SLAMF6: variants seen among roughly 807,000 people sequenced by gnomAD.
SLAMF6 encodes NK-T-B-antigen.
In SLAMF6, 21 loss-of-function variants were observed where a neutral mutation model predicts 38.3. The observed-to-expected ratio is 0.55, with a 90% CI of 0.39 to 0.79. The LOEUF is 0.79. Ranked by LOEUF, SLAMF6 falls within the 30% of genes least tolerant of loss-of-function variation. The pLI, the probability that SLAMF6 is intolerant of heterozygous loss-of-function variation, is 0.00. For missense variants in SLAMF6, 341 were observed against 385.3 expected (o/e 0.89, Z 0.96); for synonymous variants, 152 against 146.3 (o/e 1.04, Z -0.28).
At chr1:160,522,621 T>A (rs1176686254) in intron 1 of SLAMF6, among the ~76,000 whole-genome samples, 1 of 54,172 alleles carries the variant, frequency 1.8e-5, no homozygotes, top group Non-Finnish European at 6.0e-5. Context: ...AGGGGAGAGA[T>A]GGAAACCTTT....
chr1:160,496,185 C>T lies in SLAMF6; in HGVS notation c.258G>A (p.Leu86=). 2 of 1,613,890 alleles carry T rather than the reference C, an allele frequency of 1.2e-6. No individual in the cohort carries two copies. The highest frequency in any genetic ancestry group is 1.1e-5 in the South Asian group (1 of 91,072). The change falls in exon 2 of 8, where the codon CTG becomes CTA. Residue 86 remains leucine, a synonymous_variant. Coordinates refer to ENST00000368057, the MANE Select transcript of SLAMF6 (RefSeq NM_001184714.2). ...HVTNPKQGKR[L]NFTQSYSLQL... is the part of the protein sequence containing the mutation. The stretch of plus-strand genomic sequence containing the variant: ...GCAGGGAGTAGGACTGGGTGAAGTT[C>T]AGTCGCTTTCCCTGTTTCGGATTAG...
At chr1:160,520,147 G>C (rs972273523) in intron 1 of SLAMF6, among the ~76,000 whole-genome samples, 6 of 152,110 alleles carry the variant, frequency 3.9e-5, no homozygotes, top group African/African-American at 1.4e-4. Context: ...GATGTGGACG[G>C]TTGGTAAAAA....
intron 1 of SLAMF6, among the ~76,000 whole-genome samples, chr1:160,512,020 G>A (rs573658063): frequency 4.9e-4 from 75 of 152,290 alleles, no homozygotes; most frequent in Non-Finnish European, 5.4e-4. Flanking sequence ...AGATCCCCTC[G>A]TGAGCCAACA....
At chr1:160,514,544 G>A (rs1244372004) in intron 1 of SLAMF6, among the ~76,000 whole-genome samples, 1 of 152,132 alleles carries the variant, frequency 6.6e-6, no homozygotes, top group Non-Finnish European at 1.5e-5. Flanking sequence ...TACAACAACA[G>A]AATATTCATT....
chr1:160,523,216 C>A lies in SLAMF6; in HGVS notation c.-24G>T. 6.2e-7 allele frequency: 1 copy of A among 1,610,932 alleles called. No homozygotes were observed. Among genetic ancestry groups the A allele is most frequent in the Non-Finnish European group, 8.5e-7 (1 of 1,178,648 alleles). ...ATGCTTTCCGCGGTGAAGACTGGTG[C>A]TTGAGACCTTGAGGCAGTCAATGTT... On this transcript the variant is annotated 5_prime_UTR_variant, in exon 1 of 8. Transcript: ENST00000368057.
intron 1 of SLAMF6, among the ~76,000 whole-genome samples, chr1:160,514,299 A>G (rs1053797251): frequency 5.3e-5 from 8 of 152,256 alleles, no homozygotes; most frequent in Non-Finnish European, 1.2e-4. Context: ...CAATTCAACA[A>G]GAAGAACTAA....
At chr1:160,491,503 T>C in intron 2 of SLAMF6, 115 bp from the exon 3 acceptor site, 3 of 1,410,498 alleles carry the variant, frequency 2.1e-6, no homozygotes, top group Non-Finnish European at 2.8e-6. Context: ...TGTGTTATGG[T>C]CTGTAGACTC....
At chr1:160,489,273 G>T in intron 5 of SLAMF6, 103 bp from the exon 6 acceptor site, 1 of 1,095,336 alleles carries the variant, frequency 9.1e-7, no homozygotes, top group Non-Finnish European at 1.4e-6. Context: ...ATAGGCAGGT[G>T]TTTGAAGCAT....
intron 1 of SLAMF6, among the ~76,000 whole-genome samples, chr1:160,497,045 G>T (rs1158933299): frequency 1.3e-5 from 2 of 152,116 alleles, no homozygotes; most frequent in East Asian, 3.8e-4. Flanking sequence ...GCAGAGTCAG[G>T]ATTCAAACCC....
At chr1:160,495,811 C>T (rs570783521) in intron 2 of SLAMF6, among the ~76,000 whole-genome samples, 1 of 152,302 alleles carries the variant, frequency 6.6e-6, no homozygotes, top group African/African-American at 2.4e-5. Flanking sequence ...ATTACTTCTG[C>T]TACATTTCTG....
intron 5 of SLAMF6, among the ~76,000 whole-genome samples, chr1:160,489,777 C>T (rs1182405961): frequency 6.6e-6 from 1 of 152,136 alleles, no homozygotes; most frequent in Non-Finnish European, 1.5e-5. Context: ...GTTTGTGTTT[C>T]TATATCATGT....
chr1:160,506,999 C>T lies in SLAMF6; in HGVS notation c.50-10606G>A, dbSNP rs116982262. ...CTGAGGGGAAAAGGTTTAAGACATA[C>T]AGAAAAGAAATGGCAAAATGCAAGA... On this transcript the variant is annotated intron_variant, in intron 1 of 7. Coordinates refer to ENST00000368057, the MANE Select transcript of SLAMF6 (RefSeq NM_001184714.2). 4.8e-3 allele frequency among the ~76,000 whole-genome samples: 730 copies of T among 152,008 alleles called. 10 individuals carry two copies. Among genetic ancestry groups the T allele is most frequent in the East Asian group, 0.039 (200 of 5,178 alleles).
At position 160,523,125 on chromosome 1, in the gene SLAMF6, G is replaced by A. The variant is rs371420688; in HGVS notation, c.49+19C>T. ...CAGGGAGTCACTCAGTGACTACACC[G>A]ATCTGGATTGACATTTACCTGGGCC... On this transcript the variant is annotated intron_variant, in intron 1 of 7. Transcript: ENST00000368057. 3.5e-5 allele frequency: 57 copies of A among 1,613,276 alleles called. No individual in the cohort carries two copies. In the African/African-American group the frequency reaches 4.1e-4, roughly 12 times the overall value.
At position 160,491,120 on chromosome 1, in the gene SLAMF6, G is replaced by A. The variant is rs780286904; in HGVS notation, c.646+5C>T. 1.9e-6 allele frequency: 3 copies of A among 1,613,228 alleles called. No homozygotes were observed. In the East Asian group the frequency reaches 6.7e-5, roughly 36 times the overall value. On this transcript the variant is annotated splice_donor_5th_base_variant and intron_variant, in intron 3 of 7. Coordinates refer to ENST00000368057, the MANE Select transcript of SLAMF6 (RefSeq NM_001184714.2). ...AAGGCTCTCAGACCTGAGGCAGGCT[G>A]TTACCTTCGCAAAGCTTCTGGGCAG...
intron 1 of SLAMF6, among the ~76,000 whole-genome samples, chr1:160,504,544 G>C (rs1250872590): frequency 7.9e-5 from 12 of 152,160 alleles, no homozygotes; most frequent in Non-Finnish European, 1.8e-4. Flanking sequence ...GAGCAGAACT[G>C]GTTCTGAAAG....
chr1:160,507,094 A>G (rs367932409), intron 1 of SLAMF6, among the ~76,000 whole-genome samples: 1 of 152,294 alleles, frequency 6.6e-6, no homozygotes, highest in African/African-American at 2.4e-5. Flanking sequence ...AAATGCAGAG[A>G]TAGGCAGAAT....
At chr1:160,507,839 G>T (rs1237313444) in intron 1 of SLAMF6, among the ~76,000 whole-genome samples, 1 of 151,946 alleles carries the variant, frequency 6.6e-6, no homozygotes, top group Admixed American at 6.6e-5. Flanking sequence ...TTGACACCAA[G>T]TGAAAACAAA....
At chr1:160,501,781 C>T (rs1332217825) in intron 1 of SLAMF6, among the ~76,000 whole-genome samples, 1 of 150,790 alleles carries the variant, frequency 6.6e-6, no homozygotes, top group Non-Finnish European at 1.5e-5. Flanking sequence ...CCTATTTATC[C>T]TTCAAGGATG....
intron 3 of SLAMF6, 140 bp downstream of exon 3, chr1:160,490,985 G>C: frequency 9.2e-7 from 1 of 1,087,386 alleles, no homozygotes; most frequent in Non-Finnish European, 1.3e-6. Context: ...GAGAGATGCA[G>C]AGCTCCAGAG....
Sources: gnomAD v4.1 joint callset for allele counts (sites outside exome capture counted in the v4.1 genomes callset) on GRCh38, gnomAD v4.1.1 for gene constraint, MANE v1.5 for transcripts, NCBI Gene and HGNC (gene_info 2026-07-23, HGNC 2026-07-21) for gene names.